Variants in MACROD2 observed in about 807,000 individuals in gnomAD.
MACROD2 encodes the protein mono-ADP ribosylhydrolase 2, also known as ADP-ribose glycohydrolase MACROD2.
Under a neutral mutation model 70.4 loss-of-function variants are expected in MACROD2, and 36 were observed. That is an observed-to-expected ratio of 0.51 (90% CI 0.39 to 0.68). The LOEUF is 0.68. MACROD2 is among the 30% of genes least tolerant of loss of function. The probability of loss-of-function intolerance (pLI) is 0.00; values close to 1 mark genes in which losing one functional copy is unlikely to be tolerated. For missense variants in MACROD2, 496 were observed against 538.4 expected (o/e 0.92, Z 0.78); for synonymous variants, 172 against 178.8 (o/e 0.96, Z 0.30).
rs567899240 is a variant in MACROD2 at position 15,402,767 on chromosome 20, C to T, written c.541-28638C>T. 7.9e-5 allele frequency among the ~76,000 whole-genome samples: 12 copies of T among 152,200 alleles called. No homozygotes were observed. The East Asian group carries it at 2.1e-3, about 27-fold the overall frequency. On this transcript the variant is annotated intron_variant, in intron 6 of 17. Coordinates refer to ENST00000684519, the MANE Select transcript of MACROD2 (RefSeq NM_001351661.2). ...GTTGCTGTACATCCTTTTTTGCTTC[C>T]AAAGGGCATAATTTGATGTGATTAA...
At chr20:15,255,708 G>A (rs1011158882) in intron 6 of MACROD2, among the ~76,000 whole-genome samples, 1 of 152,098 alleles carries the variant, frequency 6.6e-6, no homozygotes, top group Admixed American at 6.6e-5. Flanking sequence ...ACAAGAGCAC[G>A]TATTTCTTTG....
intron 8 of MACROD2, among the ~76,000 whole-genome samples, chr20:15,536,300 C>T (rs2047874220): frequency 6.6e-6 from 1 of 152,168 alleles, no homozygotes. Context: ...CTTTTTATCA[C>T]CTCCACATGG....
intron 4 of MACROD2, among the ~76,000 whole-genome samples, chr20:14,601,336 G>A (rs2123404925): frequency 6.6e-6 from 1 of 152,228 alleles, no homozygotes; most frequent in Non-Finnish European, 1.5e-5. Context: ...GTTCACAATA[G>A]GGTTAGTGCT....
intron 3 of MACROD2, among the ~76,000 whole-genome samples, chr20:14,446,409 C>T (rs746770203): frequency 1.3e-5 from 2 of 152,074 alleles, no homozygotes; most frequent in Non-Finnish European, 2.9e-5. Context: ...TGTCTGACTT[C>T]ACAATCCACC....
intron 5 of MACROD2, among the ~76,000 whole-genome samples, chr20:14,972,037 G>A (rs938630118): frequency 1.7e-4 from 26 of 152,172 alleles, no homozygotes; most frequent in African/African-American, 6.3e-4. Flanking sequence ...TTCATTAAAA[G>A]GAAAACCTTA....
intron 2 of MACROD2, among the ~76,000 whole-genome samples, chr20:14,066,290 A>G (rs939298958): frequency 5.9e-5 from 9 of 152,286 alleles, no homozygotes; most frequent in Admixed American, 5.9e-4. Context: ...TAATCAATCA[A>G]TTCTATATTT....
intron 5 of MACROD2, among the ~76,000 whole-genome samples, chr20:15,155,322 A>T (rs150197809): frequency 6.6e-6 from 1 of 152,126 alleles, no homozygotes; most frequent in Non-Finnish European, 1.5e-5. Context: ...GTTTGCTCTC[A>T]TCTGGCCCTT....
intron 4 of MACROD2, among the ~76,000 whole-genome samples, chr20:14,621,509 A>G (rs1012626176): frequency 6.6e-6 from 1 of 152,150 alleles, no homozygotes; most frequent in African/African-American, 2.4e-5. Context: ...ATACAGCCCT[A>G]TGTTTCAGGA....
intron 4 of MACROD2, among the ~76,000 whole-genome samples, chr20:14,666,000 G>A (rs2070732842): frequency 6.6e-6 from 1 of 152,000 alleles, no homozygotes; most frequent in South Asian, 2.1e-4. Context: ...TAGGAGGCCT[G>A]CCCTTTTTAA....
At chr20:15,069,831 G>C (rs540774154) in intron 5 of MACROD2, among the ~76,000 whole-genome samples, 3 of 152,342 alleles carry the variant, frequency 2.0e-5, no homozygotes, top group African/African-American at 7.2e-5. Context: ...CCCCTGCAGA[G>C]AGTCTCTACT....
At chr20:15,988,248 C>G (rs755358855) in intron 15 of MACROD2, among the ~76,000 whole-genome samples, 1 of 152,076 alleles carries the variant, frequency 6.6e-6, no homozygotes, top group Non-Finnish European at 1.5e-5. Context: ...CCTGTTAAGT[C>G]AAATAAAGGG....
At chr20:14,707,958 T>C (rs1250204795) in intron 5 of MACROD2, among the ~76,000 whole-genome samples, 1 of 152,208 alleles carries the variant, frequency 6.6e-6, no homozygotes, top group Non-Finnish European at 1.5e-5. Flanking sequence ...TGCTTGGTAA[T>C]TCCCTAGAGT....
intron 8 of MACROD2, among the ~76,000 whole-genome samples, chr20:15,510,369 T>G (rs2047482261): frequency 6.6e-6 from 1 of 152,190 alleles, no homozygotes; most frequent in African/African-American, 2.4e-5. Context: ...AACCTTTTCC[T>G]TGTCCTCTAC....
At chr20:14,037,767 G>A (rs1354734324) in intron 2 of MACROD2, among the ~76,000 whole-genome samples, 2 of 152,066 alleles carry the variant, frequency 1.3e-5, no homozygotes, top group Admixed American at 6.5e-5. Flanking sequence ...TGTTACTCCA[G>A]CACCTTGGGA....
At chr20:15,395,415 TATTA>T (rs1421464686) in intron 6 of MACROD2, among the ~76,000 whole-genome samples, 17 of 152,210 alleles carry the variant, frequency 1.1e-4, no homozygotes, top group Middle Eastern at 3.2e-3. Flanking sequence ...TCTATAATTA[TATTA>T]ATTCATTCAT....
chr20:15,358,887 C>T (rs1177405559), intron 6 of MACROD2, among the ~76,000 whole-genome samples: 1 of 152,062 alleles, frequency 6.6e-6, no homozygotes, highest in Non-Finnish European at 1.5e-5. Flanking sequence ...TAATTACCTC[C>T]CGAAGGCCCC....
At chr20:16,016,755 C>T (rs1014817538) in intron 15 of MACROD2, among the ~76,000 whole-genome samples, 5 of 152,084 alleles carry the variant, frequency 3.3e-5, no homozygotes, top group Middle Eastern at 3.2e-3. Context: ...ATGCTGGTCT[C>T]GAACGAAACT....
At chr20:15,382,383 T>C (rs1320022976) in intron 6 of MACROD2, among the ~76,000 whole-genome samples, 1 of 152,178 alleles carries the variant, frequency 6.6e-6, no homozygotes, top group Non-Finnish European at 1.5e-5. Flanking sequence ...GACAAAAATA[T>C]GATTGCCTTA....
In MACROD2 at chr20:15,386,135, C is replaced by G. The variant is rs181966205; in HGVS notation, c.541-45270C>G. Reference sequence around the variant, plus strand: ...AAAAGCAGCCATGAAGTGATAATTCCTCTGTTTTTCTTCTGTGATGTCCTA... The same window carrying G: ...AAAAGCAGCCATGAAGTGATAATTCGTCTGTTTTTCTTCTGTGATGTCCTA... On this transcript the variant is annotated intron_variant, in intron 6 of 17. Coordinates refer to ENST00000684519, the MANE Select transcript of MACROD2 (RefSeq NM_001351661.2). Among the ~76,000 whole-genome samples, 339 of 152,262 alleles carry G rather than the reference C, an allele frequency of 2.2e-3. 1 individual carries two copies. The highest frequency in any genetic ancestry group is 7.6e-3 in the African/African-American group (316 of 41,546).
Sources: gnomAD v4.1 joint callset for allele counts (sites outside exome capture counted in the v4.1 genomes callset) on GRCh38, gnomAD v4.1.1 for gene constraint, MANE v1.5 for transcripts, NCBI Gene and HGNC (gene_info 2026-07-23, HGNC 2026-07-21) for gene names.